GRIK2: variants seen among roughly 807,000 people sequenced by gnomAD.
GRIK2 encodes the protein glutamate receptor ionotropic, kainate 2.
A neutral mutation model predicts 100.3 loss-of-function variants in GRIK2; 32 were observed. The observed-to-expected ratio is 0.32, with a 90% CI of 0.24 to 0.43. GRIK2 has a LOEUF of 0.43. GRIK2 is among the 20% of genes least tolerant of loss of function. The pLI, the probability that GRIK2 is intolerant of heterozygous loss-of-function variation, is 1.00. For synonymous variants in GRIK2, 417 were observed against 389.4 expected (o/e 1.07, Z -0.83); for missense variants, 843 against 1,114.9 (o/e 0.76, Z 3.47).
In GRIK2 at chr6:101,398,971, C is replaced by T. The variant is rs192581154; in HGVS notation, c.-293-14C>T. ...GGGTTTCCTACTGATTTCCCTCCTCCTCTGCTTTCACAGGCTCGCGCGGCC... is the reference window on the plus strand; with the variant it reads ...GGGTTTCCTACTGATTTCCCTCCTCTTCTGCTTTCACAGGCTCGCGCGGCC... On this transcript the variant is annotated splice_polypyrimidine_tract_variant and intron_variant, in intron 1 of 16. Coordinates refer to ENST00000369134, the MANE Select transcript of GRIK2 (RefSeq NM_021956.5). 7.4e-4 allele frequency: 330 copies of T among 446,784 alleles called. 1 individual carries two copies. The highest frequency in any genetic ancestry group is 5.8e-3 in the African/African-American group (290 of 49,920). 27.7% of individuals were successfully genotyped at this position (446,784 alleles called of 1,614,324 possible). A position where few individuals can be genotyped will look rare whatever the true frequency, so the allele number is the denominator to read the frequency against.
chr6:102,040,657 T>C (rs1380537065), intron 15 of GRIK2, among the ~76,000 whole-genome samples: 1 of 151,612 alleles, frequency 6.6e-6, no homozygotes, highest in African/African-American at 2.4e-5. Flanking sequence ...CAGATGCCAA[T>C]GTTTGTAAAA....
chr6:101,792,721 G>A (rs1463381947), intron 7 of GRIK2, among the ~76,000 whole-genome samples: 2 of 152,068 alleles, frequency 1.3e-5, no homozygotes, highest in South Asian at 2.1e-4. Flanking sequence ...TCTTTGTGGT[G>A]TTCTCTGTAT....
chr6:101,873,731 A>G (rs1435583879), intron 11 of GRIK2, among the ~76,000 whole-genome samples: 3 of 151,818 alleles, frequency 2.0e-5, no homozygotes, highest in South Asian at 2.1e-4. Context: ...AAGTGTTCCT[A>G]TTTCTCCACA....
intron 2 of GRIK2, among the ~76,000 whole-genome samples, chr6:101,561,237 T>C (rs1776996919): frequency 6.6e-6 from 1 of 152,152 alleles, no homozygotes; most frequent in Non-Finnish European, 1.5e-5. Context: ...TCAGCTGGTC[T>C]TAGAGCATGT....
intron 2 of GRIK2, among the ~76,000 whole-genome samples, chr6:101,454,673 T>G (rs1330095581): frequency 6.6e-6 from 1 of 152,132 alleles, no homozygotes; most frequent in Non-Finnish European, 1.5e-5. Flanking sequence ...TTTACTGAAT[T>G]CTGCTCTATA....
chr6:101,422,294 G>C (rs1400303407), intron 2 of GRIK2, among the ~76,000 whole-genome samples: 1 of 152,074 alleles, frequency 6.6e-6, no homozygotes. Flanking sequence ...GCTGCTCTTG[G>C]ATTGTATTAT....
chr6:101,721,538 A>G (rs1490697961), intron 7 of GRIK2, among the ~76,000 whole-genome samples: 1 of 152,004 alleles, frequency 6.6e-6, no homozygotes, highest in Non-Finnish European at 1.5e-5. Context: ...CCAGGGATAC[A>G]TAATACCCTG....
chr6:101,641,509 A>G (rs1186268166), intron 4 of GRIK2, among the ~76,000 whole-genome samples: 1 of 152,056 alleles, frequency 6.6e-6, no homozygotes, highest in African/African-American at 2.4e-5. Context: ...GCATATTGAG[A>G]GACCGAAAAT....
intron 12 of GRIK2, among the ~76,000 whole-genome samples, chr6:101,896,432 G>A (rs894521516): frequency 6.6e-6 from 1 of 151,692 alleles, no homozygotes; most frequent in Non-Finnish European, 1.5e-5. Context: ...TAAAATTAAT[G>A]TGCTTTTTCT....
At chr6:101,615,687 T>C (rs772918027) in intron 2 of GRIK2, among the ~76,000 whole-genome samples, 10 of 151,786 alleles carry the variant, frequency 6.6e-5, no homozygotes, top group Non-Finnish European at 1.3e-4. Flanking sequence ...AAAACAGTTT[T>C]ATAGAAGATT....
intron 14 of GRIK2, among the ~76,000 whole-genome samples, chr6:102,021,266 C>A (rs1769408334): frequency 6.6e-6 from 1 of 151,466 alleles, no homozygotes; most frequent in Non-Finnish European, 1.5e-5. Context: ...GTAAATAAAT[C>A]TTTGTTTTTA....
intron 14 of GRIK2, among the ~76,000 whole-genome samples, chr6:101,986,692 C>A (rs1278361619): frequency 6.6e-6 from 1 of 151,902 alleles, no homozygotes; most frequent in South Asian, 2.1e-4. Context: ...TATGTCTACA[C>A]CTGATTATGA....
chr6:101,970,080 A>G (rs997966266), intron 14 of GRIK2, among the ~76,000 whole-genome samples: 2 of 152,032 alleles, frequency 1.3e-5, no homozygotes, highest in Admixed American at 1.3e-4. Flanking sequence ...ACAGCATTTT[A>G]TGCCCTTTTT....
intron 9 of GRIK2, among the ~76,000 whole-genome samples, chr6:101,804,030 CA>C (rs1163992711): frequency 1.3e-5 from 2 of 151,734 alleles, no homozygotes; most frequent in African/African-American, 2.4e-5. Context: ...TTTTCATGTA[CA>C]GTGATAAGAT....
intron 2 of GRIK2, among the ~76,000 whole-genome samples, chr6:101,571,380 T>G (rs1777523092): frequency 6.6e-6 from 1 of 152,164 alleles, no homozygotes; most frequent in South Asian, 2.1e-4. Context: ...GGTCATTTTC[T>G]TAGTGCCATG....
intron 2 of GRIK2, among the ~76,000 whole-genome samples, chr6:101,603,546 C>T (rs143761800): frequency 8.1e-4 from 123 of 151,732 alleles, no homozygotes; most frequent in African/African-American, 2.4e-3. Context: ...GGCTACTCTC[C>T]GCAAAGTCTG....
At chr6:102,031,013 C>A (rs985013845) in intron 14 of GRIK2, among the ~76,000 whole-genome samples, 2 of 148,042 alleles carry the variant, frequency 1.4e-5, no homozygotes, top group African/African-American at 4.9e-5. Context: ...AACCAGAAAC[C>A]AAGGACTTGT....
chr6:102,033,579 AGTGAGGGTGTAT>A (rs979591296), intron 14 of GRIK2, among the ~76,000 whole-genome samples: 2 of 151,256 alleles, frequency 1.3e-5, no homozygotes, highest in Non-Finnish European at 3.0e-5. Flanking sequence ...ACATTTGTGG[AGTGAGGGTGTAT>A]TCTAAAGTTA....
At chr6:101,974,021 T>G (rs1793218704) in intron 14 of GRIK2, among the ~76,000 whole-genome samples, 1 of 151,982 alleles carries the variant, frequency 6.6e-6, no homozygotes, top group Admixed American at 6.6e-5. Flanking sequence ...CCCTTTAAAT[T>G]GGCAATCAAC....
Sources: allele counts gnomAD v4.1 joint callset (sites outside exome capture counted in the v4.1 genomes callset), GRCh38; gene constraint gnomAD v4.1.1; transcripts MANE v1.5; gene names NCBI Gene and HGNC (gene_info 2026-07-23, HGNC 2026-07-21).